Variants in ADAM28 observed in about 807,000 individuals in gnomAD.
ADAM28 encodes the protein ADAM metallopeptidase domain 28.
ADAM28 carries 105 observed loss-of-function variants against 101.2 expected under a neutral mutation model. The ratio of observed to expected loss-of-function variants is 1.04; its 90% CI spans 0.89 to 1.22. The LOEUF (loss-of-function observed/expected upper bound fraction) is 1.22, where lower values mean the gene tolerates loss of function less well. ADAM28 is among the 50% of genes most tolerant of loss of function. The probability of loss-of-function intolerance (pLI) is 0.00; values close to 1 mark genes in which losing one functional copy is unlikely to be tolerated. For missense variants in ADAM28, 1,028 were observed against 945.4 expected (o/e 1.09, Z -1.15); for synonymous variants, 322 against 310.6 (o/e 1.04, Z -0.39).
At chr8:24,341,493 T>C in intron 15 of ADAM28, 105 bp from the exon 16 acceptor site, 1 of 1,178,382 alleles carries the variant, frequency 8.5e-7, no homozygotes, top group Non-Finnish European at 1.2e-6. Context: ...CAACTAAGAG[T>C]CTCGGCTACA....
intron 2 of ADAM28, among the ~76,000 whole-genome samples, chr8:24,306,031 C>T (rs1037886202): frequency 6.6e-6 from 1 of 151,986 alleles, no homozygotes; most frequent in Non-Finnish European, 1.5e-5. Context: ...TACAGAGTAC[C>T]AGTTAAGTTT....
intron 4 of ADAM28, among the ~76,000 whole-genome samples, chr8:24,310,893 A>C (rs1263720926): frequency 6.6e-6 from 1 of 152,204 alleles, no homozygotes; most frequent in Non-Finnish European, 1.5e-5. Flanking sequence ...GGAGGCAAGA[A>C]ATGTGCTGAT....
chr8:24,296,862 T>C (rs1230537093), intron 1 of ADAM28, among the ~76,000 whole-genome samples: 1 of 152,168 alleles, frequency 6.6e-6, no homozygotes, highest in Non-Finnish European at 1.5e-5. Context: ...ATAATTAACG[T>C]GATGTTATTC....
At position 24,324,564 on chromosome 8, in the gene ADAM28, A is replaced by T. The variant is rs541912430; in HGVS notation, c.890+561A>T. 9.7e-4 allele frequency among the ~76,000 whole-genome samples: 147 copies of T among 152,128 alleles called. 1 individual carries two copies. The highest frequency in any genetic ancestry group is 3.1e-3 in the African/African-American group (127 of 41,540). On this transcript the variant is annotated intron_variant, in intron 9 of 22. Transcript: ENST00000265769. ...AAGGATTGACTTGAAGTTACTGGAG[A>T]GGCTATTACCTAAGAAAACCATGAA...
rs1470515757 is a variant in ADAM28, at chr8:24,312,457, T to C, written c.384-931T>C. ...AAACACTTTCTGAAATTGTTCATTC[T>C]GTCTCTACTACGATATCCTAGTCCA... On this transcript the variant is annotated intron_variant, in intron 5 of 22. Transcript: ENST00000265769. 2.6e-5 allele frequency among the ~76,000 whole-genome samples: 4 copies of C among 152,120 alleles called. No individual in the cohort carries two copies. The South Asian group carries it at 6.2e-4, about 24-fold the overall frequency.
At chr8:24,313,744 C>T (rs1021985501) in intron 6 of ADAM28, among the ~76,000 whole-genome samples, 164 bp downstream of exon 6, 2 of 151,154 alleles carry the variant, frequency 1.3e-5, no homozygotes, top group Non-Finnish European at 2.9e-5. Flanking sequence ...TTAACAAGTA[C>T]TTAGGAATCA....
chr8:24,352,078 C>A, intron 21 of ADAM28, 26 bp downstream of exon 21: 1 of 1,601,654 alleles, frequency 6.2e-7, no homozygotes, highest in Non-Finnish European at 8.6e-7. Context: ...CTCTTAAATA[C>A]CACCCTAGTT....
rs1300861169 is a variant in ADAM28 at position 24,355,528 on chromosome 8, T to G, written c.*1124T>G. 1 of 151,898 alleles carries G rather than the reference T, an allele frequency of 6.6e-6. No homozygotes were observed. The highest frequency in any genetic ancestry group is 2.4e-5 in the African/African-American group (1 of 41,396). 9.4% of individuals were successfully genotyped at this position (151,898 alleles called of 1,614,324 possible). A position where few individuals can be genotyped will look rare whatever the true frequency, so the allele number is the denominator to read the frequency against. On this transcript the variant is annotated 3_prime_UTR_variant, in exon 23 of 23. Coordinates refer to ENST00000265769, the MANE Select transcript of ADAM28 (RefSeq NM_014265.6). ...AATCCTCCCCCTCCCTTTTTTTTTT[T>G]GCTAGTAAGACGACAGAGGAATTAT...
intron 1 of ADAM28, chr8:24,295,706 C>T (rs1717418320): frequency 6.6e-6 from 1 of 152,172 alleles, no homozygotes; most frequent in Non-Finnish European, 1.5e-5. Flanking sequence ...TAACATGGCA[C>T]CAAGAGATGC....
In ADAM28 at chr8:24,355,321, C is replaced by T. The variant is rs1295363003; in HGVS notation, c.*917C>T. ...GTAGCAAACACTATTGGTTTCCTAC[C>T]AAATAATCCCCTTTTTCCTGGCTTT... On this transcript the variant is annotated 3_prime_UTR_variant, in exon 23 of 23. Transcript: ENST00000265769. The T allele has an allele frequency of 6.6e-6, 1 of 152,060 alleles. No homozygotes were observed. Among genetic ancestry groups the T allele is most frequent in the East Asian group, 1.9e-4 (1 of 5,200 alleles). 9.4% of individuals were successfully genotyped at this position (152,060 alleles called of 1,614,324 possible).
chr8:24,333,279 G>A (rs779372763), intron 13 of ADAM28, among the ~76,000 whole-genome samples: 16 of 152,134 alleles, frequency 1.1e-4, no homozygotes, highest in Non-Finnish European at 1.5e-4. Context: ...CAATGTGACC[G>A]TATTGTATGT....
Position 24,358,978 on chromosome 8 carries a change from A to C in ADAM28, c.*4574A>C, listed in dbSNP as rs977789090. On this transcript the variant is annotated 3_prime_UTR_variant, in exon 23 of 23. Transcript: ENST00000265769. ...AAATAGTTTGACAATGTTATTTTAAAATCTGGACAAATCACAAATATAAAA... is the reference window on the plus strand; with the variant it reads ...AAATAGTTTGACAATGTTATTTTAACATCTGGACAAATCACAAATATAAAA... 6.6e-6 allele frequency: 1 copy of C among 152,176 alleles called. No individual in the cohort carries two copies. The highest frequency in any genetic ancestry group is 2.4e-5 in the African/African-American group (1 of 41,444). The allele number at this position is 152,176 out of a possible 1,614,324, so 9.4% of individuals were successfully genotyped here.
chr8:24,345,645 A>G (rs1815318306), intron 18 of ADAM28, among the ~76,000 whole-genome samples: 2 of 152,064 alleles, frequency 1.3e-5, no homozygotes, highest in African/African-American at 4.8e-5. Context: ...TTCTGAGAGT[A>G]TACATTTTAT....
At chr8:24,334,133 A>C (rs550467069) in intron 13 of ADAM28, among the ~76,000 whole-genome samples, 95 of 152,350 alleles carry the variant, frequency 6.2e-4, no homozygotes, top group Admixed American at 1.3e-3. Context: ...TAGGTAAAAA[A>C]GTATCCAGTT....
chr8:24,356,538 A>ATAACT lies in ADAM28; in HGVS notation c.*2135_*2136insAACTT, dbSNP rs1816696877. ...AATGCAGTACAATGACAGGAAAACC[A>ATAACT]TTATTTTATCATAGAACTGCGAACC... is the stretch of plus-strand genomic sequence containing the variant. On this transcript the variant is annotated 3_prime_UTR_variant, in exon 23 of 23. Coordinates refer to ENST00000265769, the MANE Select transcript of ADAM28 (RefSeq NM_014265.6). 1.3e-5 allele frequency: 2 copies of ATAACT among 152,188 alleles called. No individual in the cohort carries two copies. Among genetic ancestry groups the ATAACT allele is most frequent in the African/African-American group, 4.8e-5 (2 of 41,448 alleles). 9.4% of individuals were successfully genotyped at this position (152,188 alleles called of 1,614,324 possible). A position where few individuals can be genotyped will look rare whatever the true frequency, so the allele number is the denominator to read the frequency against.
At chr8:24,309,821 C>T in intron 2 of ADAM28, 73 bp from the exon 3 acceptor site, 1 of 1,149,718 alleles carries the variant, frequency 8.7e-7, no homozygotes, top group Non-Finnish European at 1.3e-6. Context: ...TTGCTAATGA[C>T]TACACAGATA....
intron 12 of ADAM28, 44 bp from the exon 13 acceptor site, chr8:24,332,616 C>T: frequency 8.2e-7 from 1 of 1,221,706 alleles, no homozygotes; most frequent in Non-Finnish European, 1.1e-6. Context: ...GAACTGGGAC[C>T]AAAAAGTAAT....
At chr8:24,301,246 C>G (rs1661938129) in intron 2 of ADAM28, among the ~76,000 whole-genome samples, 1 of 152,158 alleles carries the variant, frequency 6.6e-6, no homozygotes. Context: ...AATTATCAAC[C>G]AAGTGGTTTC....
chr8:24,295,125 T>A (rs1807790759), intron 1 of ADAM28, among the ~76,000 whole-genome samples: 1 of 152,186 alleles, frequency 6.6e-6, no homozygotes, highest in Admixed American at 6.5e-5. Flanking sequence ...TTGCTAAAAA[T>A]GATTTTCCTG....
Sources: gnomAD v4.1 joint callset for allele counts (sites outside exome capture counted in the v4.1 genomes callset) on GRCh38, gnomAD v4.1.1 for gene constraint, MANE v1.5 for transcripts, NCBI Gene and HGNC (gene_info 2026-07-23, HGNC 2026-07-21) for gene names.